Variants in SYNE1 observed in about 807,000 individuals in gnomAD.
SYNE1 encodes the protein nesprin-1.
SYNE1 carries 616 observed loss-of-function variants against 1,111.0 expected under a neutral mutation model. The ratio of observed to expected loss-of-function variants is 0.55; its 90% CI spans 0.52 to 0.59. SYNE1 has a LOEUF of 0.59. Ranked by LOEUF, SYNE1 falls within the 20% of genes least tolerant of loss-of-function variation. The pLI, the probability that SYNE1 is intolerant of heterozygous loss-of-function variation, is 0.00. For missense variants in SYNE1, 10,006 were observed against 10,417.0 expected, an observed-to-expected ratio of 0.96 and a Z score of 1.72; for synonymous variants, 3,855 against 3,825.8, an observed-to-expected ratio of 1.01 and a Z score of -0.28.
At chr6:152,632,094 A>G (rs1007944041) in intron 2 of SYNE1, among the ~76,000 whole-genome samples, 6 of 152,178 alleles carry the variant, frequency 3.9e-5, no homozygotes, top group Admixed American at 1.3e-4. Flanking sequence ...TTTGGCTTCT[A>G]TCTTTCACTA....
chr6:152,498,792 C>A lies in SYNE1; in HGVS notation c.889G>T (p.Glu297Ter). 1 of 1,499,942 alleles carries A rather than the reference C, an allele frequency of 6.7e-7. No homozygotes were observed. The highest frequency in any genetic ancestry group is 1.3e-5 in the South Asian group (1 of 78,088). The allele number at this position is 1,499,942 out of a possible 1,614,324, so 92.9% of individuals were successfully genotyped here. The part of the protein sequence containing the change: ...NASTDGQEDD[E>*]ILPGFPSFAN... ...AAAGATGGGAAACCTGGAAGTATTT[C>A]CTAACAATATGAAAAGATAATATAT... The change falls in exon 11 of 146, where the codon GAA becomes TAA. Residue 297 changes from glutamate to a stop codon, truncating the protein, a stop_gained and splice_region_variant. Coordinates refer to ENST00000367255, the MANE Select transcript of SYNE1 (RefSeq NM_182961.4). LOFTEE classifies it high-confidence loss of function.
chr6:152,490,221 G>A (rs1040643560), intron 11 of SYNE1, among the ~76,000 whole-genome samples: 3 of 152,046 alleles, frequency 2.0e-5, no homozygotes, highest in Admixed American at 6.6e-5. Context: ...ATATGTGTAG[G>A]TTATATGCAA....
intron 123 of SYNE1, 37 bp downstream of exon 123, chr6:152,213,575 A>C: frequency 6.2e-7 from 1 of 1,613,358 alleles, no homozygotes; most frequent in Admixed American, 1.7e-5. Context: ...GGGCCTAAAA[A>C]TTTCTTATTA....
At chr6:152,476,713 A>G (rs957903951) in intron 14 of SYNE1, among the ~76,000 whole-genome samples, 2 of 152,008 alleles carry the variant, frequency 1.3e-5, no homozygotes, top group African/African-American at 4.8e-5. Context: ...TCCAAAAAAT[A>G]CAAAAATTAG....
In SYNE1 at chr6:152,502,666, G is replaced by T. The variant is rs746015605; in HGVS notation, c.855C>A (p.Ile285=). ...VAQFLKHYPD[I]HNASTDGQED... is the part of the protein sequence containing the mutation. Reference sequence around the variant, plus strand: ...CTTGCCCATCAGTGCTTGCATTGTGGATGTCAGGATAATGTTTCAGAAACT... The same window carrying T: ...CTTGCCCATCAGTGCTTGCATTGTGTATGTCAGGATAATGTTTCAGAAACT... Residue 285 remains isoleucine (I), a synonymous_variant, in exon 10 of 146, where the codon ATC becomes ATA. Transcript: ENST00000367255. The T allele has an allele frequency of 1.9e-6, 3 of 1,613,824 alleles. No homozygotes were observed. The South Asian group carries it at 3.3e-5, about 18-fold the overall frequency.
chr6:152,306,187 A>T lies in SYNE1; in HGVS notation c.17346+2302T>A, dbSNP rs527946304. Among the ~76,000 whole-genome samples, 239 of 152,156 alleles carry T rather than the reference A, an allele frequency of 1.6e-3. 1 individual carries two copies. Among genetic ancestry groups the T allele is most frequent in the African/African-American group, 5.1e-3 (210 of 41,520 alleles). On this transcript the variant is annotated intron_variant, in intron 91 of 145. Coordinates refer to ENST00000367255, the MANE Select transcript of SYNE1 (RefSeq NM_182961.4). ...TTGTCAGTAAAATAAAGATGATTTTAAAAAAATCCTTACCCCGGCCAGTCG... is the reference window on the plus strand; with the variant it reads ...TTGTCAGTAAAATAAAGATGATTTTTAAAAAATCCTTACCCCGGCCAGTCG...
intron 4 of SYNE1, among the ~76,000 whole-genome samples, chr6:152,529,718 C>T (rs543802104): frequency 2.6e-5 from 4 of 152,254 alleles, no homozygotes; most frequent in South Asian, 4.1e-4. Context: ...ATGACCTCTC[C>T]CTTCCCAGTG....
chr6:152,594,542 T>C (rs17082858), intron 3 of SYNE1, among the ~76,000 whole-genome samples: 3,324 of 152,318 alleles, frequency 0.022, 128 homozygotes, highest in African/African-American at 0.076. Flanking sequence ...CTTCAAGAAA[T>C]TTTATTTTGA....
At chr6:152,358,601 G>A (rs565823450) in intron 65 of SYNE1, 64 bp from the exon 66 acceptor site, 6 of 1,534,782 alleles carry the variant, frequency 3.9e-6, no homozygotes, top group East Asian at 4.5e-5. Flanking sequence ...TCAGTGTGCT[G>A]TAATTCACTT....
rs753558229 is a variant in SYNE1 at position 152,344,099 on chromosome 6, CCTA to C, written c.12204_12206del (p.Ser4068del). ...TTACTACCTGCTTAATGGCTTCTGC[CCTA>C]CTAAGAGGTGGTTGAGGACTTGGCT... On this transcript the variant is annotated inframe_deletion, in exon 74 of 146. Coordinates refer to ENST00000367255, the MANE Select transcript of SYNE1 (RefSeq NM_182961.4). 2 of 1,614,178 alleles carry C rather than the reference CCTA, an allele frequency of 1.2e-6. No homozygotes were observed. Among genetic ancestry groups the C allele is most frequent in the South Asian group, 2.2e-5 (2 of 91,086 alleles).
At chr6:152,607,751 C>G (rs1238855645) in intron 3 of SYNE1, among the ~76,000 whole-genome samples, 2 of 152,156 alleles carry the variant, frequency 1.3e-5, no homozygotes, top group East Asian at 3.9e-4. Context: ...TATTGCAGCA[C>G]TATTTACAAT....
At chr6:152,275,350 T>C (rs2093535405) in intron 98 of SYNE1, among the ~76,000 whole-genome samples, 1 of 152,184 alleles carries the variant, frequency 6.6e-6, no homozygotes. Flanking sequence ...TTGATCCACC[T>C]GTGATACATT....
In SYNE1 at chr6:152,371,825, AAGGACAGGAC is replaced by A. The variant is rs1179484706; in HGVS notation, c.9507+1202_9507+1211del. Among the ~76,000 whole-genome samples the A allele has an allele frequency of 9.1e-4, 87 of 95,440 alleles. 1 individual carries two copies. The highest frequency in any genetic ancestry group is 3.2e-3 in the African/African-American group (78 of 24,012). The allele number at this position is 95,440 out of a possible 152,430, so 62.6% of individuals were successfully genotyped here. On this transcript the variant is annotated intron_variant, in intron 59 of 145. Transcript: ENST00000367255. ...AAGGAAAGGATAAGAAAGGACAGGA[AAGGACAGGAC>A]AGGACAGGACAGGAAAGGAAAGGAA...
chr6:152,619,840 G>A (rs553187832), intron 3 of SYNE1, among the ~76,000 whole-genome samples: 5 of 152,130 alleles, frequency 3.3e-5, no homozygotes, highest in African/African-American at 4.8e-5. Context: ...GATTGAGGGA[G>A]GGCCTGAAAG....
chr6:152,546,189 T>C (rs1290194508), intron 3 of SYNE1: 2 of 152,204 alleles, frequency 1.3e-5, no homozygotes, highest in African/African-American at 2.4e-5. Context: ...GGGAATAAAG[T>C]ATATTGAATA....
intron 66 of SYNE1, among the ~76,000 whole-genome samples, chr6:152,356,845 G>A (rs1331379173): frequency 1.3e-5 from 2 of 152,126 alleles, no homozygotes; most frequent in South Asian, 2.1e-4. Context: ...CACGAATACC[G>A]GCTTAAGTGA....
At chr6:152,500,985 T>G (rs1258164663) in intron 10 of SYNE1, among the ~76,000 whole-genome samples, 3 of 151,970 alleles carry the variant, frequency 2.0e-5, no homozygotes, top group Non-Finnish European at 2.9e-5. Context: ...TATTTTACAT[T>G]TTTTGGTTTT....
At chr6:152,236,060 A>G (rs941418844) in intron 110 of SYNE1, 47 bp downstream of exon 110, 18 of 1,591,254 alleles carry the variant, frequency 1.1e-5, no homozygotes, top group Non-Finnish European at 1.6e-5. Context: ...CCTTATTAAT[A>G]CAATGCAGCA....
intron 84 of SYNE1, among the ~76,000 whole-genome samples, chr6:152,319,673 T>C (rs2095823687): frequency 6.6e-6 from 1 of 151,958 alleles, no homozygotes; most frequent in Non-Finnish European, 1.5e-5. Flanking sequence ...CATTTCTTTA[T>C]GTAGTTAAAG....
Sources: allele counts gnomAD v4.1 joint callset (sites outside exome capture counted in the v4.1 genomes callset), GRCh38; gene constraint gnomAD v4.1.1; transcripts MANE v1.5; gene names NCBI Gene and HGNC (gene_info 2026-07-23, HGNC 2026-07-21).